The following LINGO2 variants were observed in gnomAD, a reference collection of about 807,000 sequenced individuals.
LINGO2 encodes the protein leucine rich repeat and Ig domain containing 2.
Under a neutral mutation model 30.6 loss-of-function variants are expected in LINGO2, and 14 were observed. The ratio of observed to expected loss-of-function variants is 0.46; its 90% CI spans 0.30 to 0.72. The LOEUF is 0.72. Among genes scored for constraint, LINGO2 ranks in the 30% least tolerant of loss-of-function variants. The probability of loss-of-function intolerance (pLI) is 0.07; values close to 1 mark genes in which losing one functional copy is unlikely to be tolerated. For missense variants in LINGO2, 729 were observed against 751.7 expected (o/e 0.97, Z 0.35); for synonymous variants, 317 against 288.5 (o/e 1.10, Z -1.00).
chr9:28,508,260 G>A (rs1170854005), intron 1 of LINGO2, among the ~76,000 whole-genome samples: 1 of 152,012 alleles, frequency 6.6e-6, no homozygotes, highest in African/African-American at 2.4e-5. Flanking sequence ...GAAGATTACA[G>A]CTTTAATATA....
At chr9:28,786,692 C>T in the LINGO2 span, among the ~76,000 whole-genome samples, 2 of 152,100 alleles carry the variant, frequency 1.3e-5, no homozygotes, top group Non-Finnish European at 2.9e-5. Context: ...TGTCTGTCCT[C>T]ACTCACATTG....
intron 4 of LINGO2, among the ~76,000 whole-genome samples, chr9:28,246,484 CA>C (rs1399128921): frequency 6.6e-6 from 1 of 151,958 alleles, no homozygotes; most frequent in African/African-American, 2.4e-5. Flanking sequence ...ACAAACCTAA[CA>C]AAAACAAGGA....
the LINGO2 span, among the ~76,000 whole-genome samples, chr9:29,021,708 G>GGAAA: frequency 6.8e-6 from 1 of 146,666 alleles, no homozygotes; most frequent in Non-Finnish European, 1.5e-5. Context: ...AAGGAAGGAA[G>GGAAA]GAAGGAAGGA....
intron 3 of LINGO2, among the ~76,000 whole-genome samples, chr9:28,319,253 C>A (rs910806418): frequency 6.6e-6 from 1 of 152,152 alleles, no homozygotes; most frequent in Non-Finnish European, 1.5e-5. Flanking sequence ...TGACTTGTGG[C>A]CCCTCTCCTC....
intron 1 of LINGO2, among the ~76,000 whole-genome samples, chr9:28,654,632 G>C (rs1413715265): frequency 6.6e-6 from 1 of 152,034 alleles, no homozygotes; most frequent in African/African-American, 2.4e-5. Context: ...ATGTCTTAGA[G>C]ATTTTACACT....
chr9:29,150,904 T>A, the LINGO2 span, among the ~76,000 whole-genome samples: 9 of 152,000 alleles, frequency 5.9e-5, no homozygotes, highest in Middle Eastern at 3.4e-3. Flanking sequence ...ATTCTGAGAA[T>A]CCCTGCAAGA....
chr9:28,089,054 G>A (rs1239472134), intron 4 of LINGO2, among the ~76,000 whole-genome samples: 1 of 152,188 alleles, frequency 6.6e-6, no homozygotes, highest in Admixed American at 6.6e-5. Flanking sequence ...GGAGCACCCA[G>A]ATTCATAAAG....
chr9:28,879,266 A>G, the LINGO2 span, among the ~76,000 whole-genome samples: 1 of 152,118 alleles, frequency 6.6e-6, no homozygotes, highest in Non-Finnish European at 1.5e-5. Context: ...TTTTAATAGG[A>G]GAGTGAAACA....
chr9:28,989,830 T>C, the LINGO2 span, among the ~76,000 whole-genome samples: 1 of 152,136 alleles, frequency 6.6e-6, no homozygotes, highest in Admixed American at 6.5e-5. Context: ...TGTTTGCACA[T>C]AAAATTCTCT....
At chr9:28,056,153 G>A (rs1007435477) in intron 4 of LINGO2, among the ~76,000 whole-genome samples, 3 of 152,162 alleles carry the variant, frequency 2.0e-5, no homozygotes, top group African/African-American at 7.2e-5. Context: ...AGCAAGAGCA[G>A]GGCGGAGCAG....
chr9:29,116,822 T>G, the LINGO2 span, among the ~76,000 whole-genome samples: 1 of 152,308 alleles, frequency 6.6e-6, no homozygotes, highest in East Asian at 1.9e-4. Flanking sequence ...TTGCTTAAAC[T>G]GATTTACTTT....
chr9:29,120,140 T>C, the LINGO2 span, among the ~76,000 whole-genome samples: 1 of 152,204 alleles, frequency 6.6e-6, no homozygotes, highest in Admixed American at 6.5e-5. Context: ...GAAATGCCAA[T>C]ATCCAAGGCT....
chr9:28,843,527 A>C, the LINGO2 span, among the ~76,000 whole-genome samples: 10 of 151,894 alleles, frequency 6.6e-5, no homozygotes, highest in African/African-American at 2.4e-4. Context: ...GTGGCAAAGA[A>C]GGACACAAGA....
chr9:28,127,691 G>A (rs1344460251), intron 4 of LINGO2, among the ~76,000 whole-genome samples: 1 of 152,144 alleles, frequency 6.6e-6, no homozygotes, highest in Non-Finnish European at 1.5e-5. Context: ...TTCTCTCTAT[G>A]GTGGAAATGT....
At chr9:27,970,099 T>A (rs1290250914) in intron 5 of LINGO2, among the ~76,000 whole-genome samples, 1 of 152,218 alleles carries the variant, frequency 6.6e-6, no homozygotes, top group Admixed American at 6.5e-5. Flanking sequence ...TACATTTGTA[T>A]CTGCTCTGTA....
intron 1 of LINGO2, among the ~76,000 whole-genome samples, chr9:28,500,475 GA>G (rs1240701802): frequency 6.6e-6 from 1 of 151,848 alleles, no homozygotes; most frequent in Non-Finnish European, 1.5e-5. Context: ...ATATTTTTGT[GA>G]AAAAAGTAAA....
At chr9:28,319,090 T>C (rs1025644492) in intron 3 of LINGO2, among the ~76,000 whole-genome samples, 3 of 152,118 alleles carry the variant, frequency 2.0e-5, no homozygotes, top group African/African-American at 4.8e-5. Context: ...TAGAAATAAT[T>C]ACAAAGTATG....
the LINGO2 span, among the ~76,000 whole-genome samples, chr9:29,066,206 A>G: frequency 6.6e-6 from 1 of 151,868 alleles, no homozygotes; most frequent in African/African-American, 2.4e-5. Flanking sequence ...TAGGATCAGG[A>G]AAGAAATATT....
At chr9:29,001,126 G>A in the LINGO2 span, among the ~76,000 whole-genome samples, 1 of 151,740 alleles carries the variant, frequency 6.6e-6, no homozygotes, top group African/African-American at 2.4e-5. Flanking sequence ...AGAGAGAGAA[G>A]TAGACTGCAG....
Sources: gnomAD v4.1 joint callset for allele counts (sites outside exome capture counted in the v4.1 genomes callset) on GRCh38, gnomAD v4.1.1 for gene constraint, MANE v1.5 for transcripts, NCBI Gene and HGNC (gene_info 2026-07-23, HGNC 2026-07-21) for gene names.